GLB1: variants seen among roughly 807,000 people sequenced by gnomAD.
GLB1 encodes galactosidase beta 1.
In GLB1, 56 loss-of-function variants were observed where a neutral mutation model predicts 74.0. That is an observed-to-expected ratio of 0.76 (90% CI 0.61 to 0.94). The LOEUF is 0.94. GLB1 is among the 40% of genes least tolerant of loss of function. GLB1 has a pLI of 0.00. For synonymous variants in GLB1, 323 were observed against 323.6 expected (o/e 1.00, Z 0.02); for missense variants, 787 against 845.5 (o/e 0.93, Z 0.86).
chr3:33,013,355 C>T (rs1371825844), intron 15 of GLB1, among the ~76,000 whole-genome samples: 1 of 152,200 alleles, frequency 6.6e-6, no homozygotes, highest in African/African-American at 2.4e-5. Flanking sequence ...GTCTGCCTCC[C>T]TCACTAGACT....
At chr3:32,971,895 TA>T in the GLB1 span, among the ~76,000 whole-genome samples, 277 of 152,322 alleles carry the variant, frequency 1.8e-3, 1 homozygote, top group African/African-American at 6.3e-3. Context: ...AACTGCTGGC[TA>T]AATGGACAGG....
chr3:32,964,251 G>GCCAAGAAAA, the GLB1 span, among the ~76,000 whole-genome samples: 7 of 152,156 alleles, frequency 4.6e-5, no homozygotes, highest in Non-Finnish European at 1.0e-4. Context: ...TAATTGTTTT[G>GCCAAGAAAA]ATGTCACAAG....
the GLB1 span, among the ~76,000 whole-genome samples, chr3:32,984,263 G>C: frequency 6.6e-6 from 1 of 151,960 alleles, no homozygotes. Context: ...ACACCCCCCT[G>C]AGAATTCAGA....
At chr3:32,984,400 T>C in the GLB1 span, among the ~76,000 whole-genome samples, 3 of 152,186 alleles carry the variant, frequency 2.0e-5, no homozygotes, top group Admixed American at 2.0e-4. Context: ...TTAATGTGGG[T>C]CAGTTTCCTA....
intron 10 of GLB1, among the ~76,000 whole-genome samples, chr3:33,031,510 G>A (rs772400934): frequency 2.7e-5 from 4 of 147,862 alleles, no homozygotes; most frequent in Non-Finnish European, 6.0e-5. Context: ...CACGTGCATT[G>A]GTGTGCGCTT....
intron 10 of GLB1, among the ~76,000 whole-genome samples, chr3:33,035,853 C>T (rs779493513): frequency 1.3e-5 from 2 of 152,166 alleles, no homozygotes; most frequent in Admixed American, 1.3e-4. Flanking sequence ...AAATGCATAG[C>T]CGATTATATC....
At chr3:33,019,121 C>T (rs1697363793) in intron 12 of GLB1, among the ~76,000 whole-genome samples, 1 of 151,940 alleles carries the variant, frequency 6.6e-6, no homozygotes, top group South Asian at 2.1e-4. Context: ...GTCCGGGCAA[C>T]ATAGCAAGAC....
chr3:33,068,133 C>T (rs1402485877), intron 4 of GLB1, 97 bp downstream of exon 4: 11 of 1,565,168 alleles, frequency 7.0e-6, no homozygotes, highest in Admixed American at 1.7e-5. Context: ...GTAATCCACC[C>T]GCCTCAGCCT....
At chr3:33,046,348 C>T in intron 9 of GLB1, 116 bp from the exon 10 acceptor site, 2 of 1,238,374 alleles carry the variant, frequency 1.6e-6, no homozygotes, top group Non-Finnish European at 2.3e-6. Flanking sequence ...ACATTAAAAC[C>T]ACTTGTTGGG....
At chr3:33,050,555 C>T (rs1329279492) in intron 9 of GLB1, among the ~76,000 whole-genome samples, 1 of 152,132 alleles carries the variant, frequency 6.6e-6, no homozygotes, top group East Asian at 1.9e-4. Context: ...ATATGTGGTT[C>T]ACTTATACGA....
At chr3:32,997,496 GT>G (rs1696360328) in intron 15 of GLB1, 152 bp from the exon 16 acceptor site, 1 of 1,332,326 alleles carries the variant, frequency 7.5e-7, no homozygotes, top group Non-Finnish European at 1.0e-6. Context: ...GCCAGCCTTG[GT>G]TTTAGCTTCT....
chr3:33,092,486 G>C (rs1700806350), intron 1 of GLB1: 2 of 1,058,532 alleles, frequency 1.9e-6, no homozygotes, highest in Non-Finnish European at 1.1e-6. Flanking sequence ...CCACCTTCTA[G>C]AGGTATGCCT....
chr3:33,063,966 T>C (rs1257270678), intron 5 of GLB1, among the ~76,000 whole-genome samples: 3 of 151,766 alleles, frequency 2.0e-5, no homozygotes, highest in Non-Finnish European at 4.4e-5. Flanking sequence ...CACCGACACC[T>C]GAAAGGCAAA....
the GLB1 span, among the ~76,000 whole-genome samples, chr3:32,972,857 C>T: frequency 2.6e-5 from 4 of 152,174 alleles, no homozygotes; most frequent in Non-Finnish European, 4.4e-5. Flanking sequence ...CCTTAAAACC[C>T]GCCTGTTTTT....
chr3:33,046,125 G>T lies in GLB1; in HGVS notation c.1063C>A (p.Gln355Lys). Residue 355 changes from glutamine (Q) to lysine (K), a missense_variant, in exon 10 of 16, where the codon CAG becomes AAG. By Grantham distance (53) the Gln-to-Lys change is moderately conservative. Coordinates refer to ENST00000307363, the MANE Select transcript of GLB1 (RefSeq NM_000404.4). ...AGCTCATACAAAGCACCCACCTTCT[G>T]GATGATGTTTCGCAGAGCAAAATAC... ...EKYFALRNII[Q>K]KFEKVPEGPI... is the part of the protein sequence containing the mutation. 1 of 1,612,788 alleles carries T rather than the reference G, an allele frequency of 6.2e-7. No homozygotes were observed. The highest frequency in any genetic ancestry group is 1.1e-5 in the South Asian group (1 of 90,992).
At chr3:33,033,778 CAAA>C (rs60962107) in intron 10 of GLB1, 3,771 of 179,358 alleles carry the variant, frequency 0.021, no homozygotes, top group South Asian at 0.037. Flanking sequence ...GAGACTGTCT[CAAA>C]AAAAAAAAAA....
intron 15 of GLB1, among the ~76,000 whole-genome samples, chr3:33,010,254 A>G (rs1212845379): frequency 6.6e-6 from 1 of 152,118 alleles, no homozygotes; most frequent in Non-Finnish European, 1.5e-5. Context: ...AACATTGCCT[A>G]TTGTCCTTCT....
Position 33,014,065 on chromosome 3 carries a change from T to C in GLB1, c.1725A>G (p.Gly575=), listed in dbSNP as rs1193415434. The stretch of plus-strand genomic sequence containing the variant: ...CCATGAAGACACGTACCTTGGTCCA[T>C]CCAGGAAACTGGATAAAGGTGTCCT... ...LPQDTFIQFP[G]WTKGQVWING... is the part of the protein sequence containing the mutation. Residue 575 remains glycine (G), a synonymous_variant, in exon 15 of 16, where the codon GGA becomes GGG. Transcript: ENST00000307363. 1.9e-6 allele frequency: 3 copies of C among 1,614,092 alleles called. No homozygotes were observed. The highest frequency in any genetic ancestry group is 2.5e-6 in the Non-Finnish European group (3 of 1,180,058).
intron 1 of GLB1, among the ~76,000 whole-genome samples, chr3:33,088,010 CAT>C (rs1269948818): frequency 2.0e-5 from 3 of 152,072 alleles, no homozygotes; most frequent in Non-Finnish European, 4.4e-5. Flanking sequence ...GCAAAAACCA[CAT>C]GATAATCTAA....
Sources: gnomAD v4.1 joint callset for allele counts (sites outside exome capture counted in the v4.1 genomes callset) on GRCh38, gnomAD v4.1.1 for gene constraint, MANE v1.5 for transcripts, NCBI Gene and HGNC (gene_info 2026-07-23, HGNC 2026-07-21) for gene names.